The following ZNF90 variants were observed in gnomAD, a reference collection of about 807,000 sequenced individuals.
ZNF90 encodes the protein zinc finger protein HTF9.
A neutral mutation model predicts 12.0 loss-of-function variants in ZNF90; 11 were observed. That is an observed-to-expected ratio of 0.92 (90% CI 0.58 to 1.52). The LOEUF is 1.52. Ranked by LOEUF, ZNF90 falls within the 40% of genes most tolerant of loss-of-function variation. The pLI, the probability that ZNF90 is intolerant of heterozygous loss-of-function variation, is 0.00. For missense variants in ZNF90, 765 were observed against 711.5 expected (o/e 1.08, Z -0.86); for synonymous variants, 232 against 240.1 (o/e 0.97, Z 0.31).
chr19:20,095,293 GA>G (rs2088934495), intron 1 of ZNF90, among the ~76,000 whole-genome samples: 1 of 152,154 alleles, frequency 6.6e-6, no homozygotes, highest in Non-Finnish European at 1.5e-5. Flanking sequence ...GTAGGATGAA[GA>G]AATCGAAAGT....
intron 3 of ZNF90, among the ~76,000 whole-genome samples, chr19:20,113,635 C>T (rs1185353888): frequency 6.6e-6 from 1 of 152,168 alleles, no homozygotes; most frequent in South Asian, 2.1e-4. Flanking sequence ...TGAGACCATC[C>T]TGGCTAACAC....
Position 20,119,326 on chromosome 19 carries a change from A to T in ZNF90, c.1772A>T (p.Lys591Ile). ...NTHKRIHIGQ[K>I]AYIVKNMANL is the part of the protein sequence containing the mutation. ...CATAAGAGGATTCATATTGGACAGA[A>T]AGCCTACATAGTGAAGAACATGGCA... The change falls in exon 4 of 4, where the codon AAA becomes ATA. Residue 591 changes from lysine (K) to isoleucine (I), a missense_variant. Transcript: ENST00000418063. 1 of 1,602,696 alleles carries T rather than the reference A, an allele frequency of 6.2e-7. No homozygotes were observed. Among genetic ancestry groups the T allele is most frequent in the Non-Finnish European group, 8.5e-7 (1 of 1,174,246 alleles).
At chr19:20,087,826 C>T (rs151315335) in intron 1 of ZNF90, among the ~76,000 whole-genome samples, 4 of 151,786 alleles carry the variant, frequency 2.6e-5, no homozygotes, top group Admixed American at 2.0e-4. Flanking sequence ...TATAGGATTT[C>T]GGTAGGTAAA....
At position 20,119,601 on chromosome 19, in the gene ZNF90, G is replaced by T; in HGVS notation, c.*241G>T. The T allele has an allele frequency of 2.6e-6, 1 of 387,420 alleles. No individual in the cohort carries two copies. The highest frequency in any genetic ancestry group is 4.6e-6 in the Non-Finnish European group (1 of 219,640). 24.0% of individuals were successfully genotyped at this position (387,420 alleles called of 1,614,324 possible). A position where few individuals can be genotyped will look rare whatever the true frequency, so the allele number is the denominator to read the frequency against. ...CTACAGGTGTGAAAAATGCAGCAAA[G>T]CCTATAACAAGTTCTCAATTCTTTT... On this transcript the variant is annotated 3_prime_UTR_variant, in exon 4 of 4. Transcript: ENST00000418063.
intron 1 of ZNF90, among the ~76,000 whole-genome samples, chr19:20,092,120 G>A (rs930855610): frequency 3.9e-5 from 6 of 152,136 alleles, no homozygotes; most frequent in Admixed American, 1.3e-4. Flanking sequence ...GTGGGAGGCC[G>A]CATTTAAGTC....
rs1468479853 is a variant in ZNF90 at position 20,121,045 on chromosome 19, G to A, written c.*1685G>A. 6.2e-6 allele frequency: 1 copy of A among 162,406 alleles called. No individual in the cohort carries two copies. The highest frequency in any genetic ancestry group is 1.4e-5 in the Non-Finnish European group (1 of 73,536). 10.1% of individuals were successfully genotyped at this position (162,406 alleles called of 1,614,324 possible). ...CCTATATTAAGTAATGTATAAGGTAGTGTTCAGAGTAATACTTTTCTACAT... is the reference window on the plus strand; with the variant it reads ...CCTATATTAAGTAATGTATAAGGTAATGTTCAGAGTAATACTTTTCTACAT... On this transcript the variant is annotated 3_prime_UTR_variant, in exon 4 of 4. Transcript: ENST00000418063.
chr19:20,116,993 AAAG>A (rs200519291), intron 3 of ZNF90, among the ~76,000 whole-genome samples: 4,806 of 150,182 alleles, frequency 0.032, 301 homozygotes, highest in African/African-American at 0.11. Context: ...AAAAAAAAAA[AAAG>A]AATTGGCAAC....
intron 1 of ZNF90, among the ~76,000 whole-genome samples, chr19:20,097,845 T>C (rs1555703416): frequency 6.6e-6 from 1 of 152,228 alleles, no homozygotes; most frequent in Admixed American, 6.5e-5. Context: ...AATGCCACAT[T>C]GGACACTATA....
In ZNF90 at chr19:20,117,778, CA is replaced by C. The variant is rs2089152860; in HGVS notation, c.227-2del. Reference sequence around the variant, plus strand: ...AGTAATGTGTTCTTATTGTTTCTTTCAGTTATGTGTTTTCATTTTGCCCAAG... The same window carrying C: ...AGTAATGTGTTCTTATTGTTTCTTTCGTTATGTGTTTTCATTTTGCCCAAG... On this transcript the variant is annotated splice_acceptor_variant, in intron 3 of 3. Coordinates refer to ENST00000418063, the MANE Select transcript of ZNF90 (RefSeq NM_007138.2). LOFTEE classifies it high-confidence loss of function. The C allele has an allele frequency of 6.7e-7, 1 of 1,500,336 alleles. No homozygotes were observed. The highest frequency in any genetic ancestry group is 2.6e-5 in the Admixed American group (1 of 39,088). The allele number at this position is 1,500,336 out of a possible 1,614,324, so 92.9% of individuals were successfully genotyped here.
Position 20,095,391 on chromosome 19 carries a change from G to A in ZNF90, c.4-8848G>A, listed in dbSNP as rs143655905. ...AGAAAATAAGGCATTTAGGTTTTAG[G>A]TCAGGTGTGAGTTGAAGAGGTTTTA... On this transcript the variant is annotated intron_variant, in intron 1 of 3. Transcript: ENST00000418063. 4.2e-3 allele frequency among the ~76,000 whole-genome samples: 633 copies of A among 152,208 alleles called. 6 individuals carry two copies. The highest frequency in any genetic ancestry group is 0.015 in the African/African-American group (605 of 41,520).
rs1452635835 is a variant in ZNF90 at position 20,104,269 on chromosome 19, G to T, written c.34G>T (p.Glu12Ter). The change falls in exon 2 of 4, where the codon GAA becomes TAA. Residue 12 changes from glutamate (E) to a stop codon, truncating the protein, a stop_gained. Transcript: ENST00000418063. LOFTEE classifies it high-confidence loss of function. ...GPLEFRDVAIEFSLEEWHCLD... is the reference protein window; with the variant it reads ...GPLEFRDVAI ...ATTGGAATTTAGAGATGTGGCCATA[G>T]AATTCTCTCTGGAGGAGTGGCATTG... The T allele has an allele frequency of 6.2e-7, 1 of 1,613,914 alleles. No homozygotes were observed. Among genetic ancestry groups the T allele is most frequent in the Admixed American group, 1.7e-5 (1 of 60,006 alleles).
chr19:20,116,434 T>C (rs1424709572), intron 3 of ZNF90, among the ~76,000 whole-genome samples: 1 of 152,238 alleles, frequency 6.6e-6, no homozygotes, highest in Non-Finnish European at 1.5e-5. Flanking sequence ...CCTCTCTGTG[T>C]TGAAATTACA....
At chr19:20,088,282 C>A (rs746530579) in intron 1 of ZNF90, among the ~76,000 whole-genome samples, 41 of 151,830 alleles carry the variant, frequency 2.7e-4, no homozygotes, top group Non-Finnish European at 5.0e-4. Flanking sequence ...GCGTGGGAAC[C>A]TAGAGTGGGA....
At chr19:20,115,369 T>G (rs1599654899) in intron 3 of ZNF90, among the ~76,000 whole-genome samples, 1 of 151,766 alleles carries the variant, frequency 6.6e-6, no homozygotes, top group Admixed American at 6.6e-5. Flanking sequence ...GTTATTTTAT[T>G]TTTTGTTTTA....
chr19:20,112,573 CG>C (rs1335339433), intron 3 of ZNF90, among the ~76,000 whole-genome samples: 2 of 152,058 alleles, frequency 1.3e-5, no homozygotes, highest in African/African-American at 4.8e-5. Flanking sequence ...CCACCCACCT[CG>C]GCCTCCCAAA....
intron 1 of ZNF90, among the ~76,000 whole-genome samples, chr19:20,086,796 T>C (rs1202385481): frequency 2.0e-5 from 3 of 152,252 alleles, no homozygotes; most frequent in African/African-American, 7.2e-5. Context: ...ATTAAGTAGA[T>C]ATTAGTGTGA....
chr19:20,110,786 A>G (rs1306644691), intron 3 of ZNF90, among the ~76,000 whole-genome samples: 3 of 152,022 alleles, frequency 2.0e-5, no homozygotes, highest in South Asian at 4.1e-4. Context: ...TTCTCTATAA[A>G]TAGTTTTTTG....
Position 20,104,289 on chromosome 19 carries a change from G to A in ZNF90, c.54G>A (p.Trp18Ter), listed in dbSNP as rs1216630055. ...CCATAGAATTCTCTCTGGAGGAGTG[G>A]CATTGCCTGGACACTGCACAGCAGA... Reference protein sequence around the residue: ...DVAIEFSLEEWHCLDTAQQNL... With the variant: ...DVAIEFSLEE The change falls in exon 2 of 4, where the codon TGG (tryptophan) becomes TGA (stop). Residue 18 changes from tryptophan to a stop codon, truncating the protein, a stop_gained. Coordinates refer to ENST00000418063, the MANE Select transcript of ZNF90 (RefSeq NM_007138.2). LOFTEE classifies it high-confidence loss of function. 1 of 1,613,924 alleles carries A rather than the reference G, an allele frequency of 6.2e-7. No individual in the cohort carries two copies. The highest frequency in any genetic ancestry group is 1.3e-5 in the African/African-American group (1 of 74,918).
intron 1 of ZNF90, among the ~76,000 whole-genome samples, chr19:20,102,042 C>A (rs1284709172): frequency 6.6e-6 from 1 of 152,270 alleles, no homozygotes. Context: ...TTATGATCCT[C>A]AATGTGGGAT....
Sources: gnomAD v4.1 joint callset for allele counts (sites outside exome capture counted in the v4.1 genomes callset) on GRCh38, gnomAD v4.1.1 for gene constraint, MANE v1.5 for transcripts, NCBI Gene and HGNC (gene_info 2026-07-23, HGNC 2026-07-21) for gene names.